The following IPO4 variants were observed in gnomAD, a reference collection of about 807,000 sequenced individuals.
IPO4 encodes the protein importin 4.
IPO4 carries 91 observed loss-of-function variants against 133.5 expected under a neutral mutation model. The observed-to-expected ratio is 0.68, with a 90% CI of 0.58 to 0.81. IPO4 has a LOEUF of 0.81. Ranked by LOEUF, IPO4 falls within the 30% of genes least tolerant of loss-of-function variation. The pLI, the probability that IPO4 is intolerant of heterozygous loss-of-function variation, is 0.00. For synonymous variants in IPO4, 607 were observed against 581.6 expected (o/e 1.04, Z -0.63); for missense variants, 1,279 against 1,386.2 (o/e 0.92, Z 1.23).
Position 24,183,589 on chromosome 14 carries a change from C to T in IPO4, c.2063+1G>A. On this transcript the variant is annotated splice_donor_variant, in intron 20 of 29. Transcript: ENST00000354464. LOFTEE classifies it high-confidence loss of function. ...AGTGCCAGGGAAGGGCGAATGCTCA[C>T]CTGGTGTTCACAGAGATCTCCCCCA... 1 of 1,614,180 alleles carries T rather than the reference C, an allele frequency of 6.2e-7. No individual in the cohort carries two copies. Among genetic ancestry groups the T allele is most frequent in the Non-Finnish European group, 8.5e-7 (1 of 1,180,032 alleles).
rs143030433 is a variant in IPO4 at position 24,181,548 on chromosome 14, G to C, written c.3010C>G (p.Leu1004Val). Residue 1004 changes from leucine (L) to valine (V), a missense_variant, in exon 28 of 30, where the codon CTC (leucine) becomes GTC (valine). Physicochemically the swap from Leu to Val is conservative, Grantham distance 32 (BLOSUM62 1). Transcript: ENST00000354464. ...DLEEWVTIGRLFSFLYQSSPD... is the reference protein window; with the variant it reads ...DLEEWVTIGRVFSFLYQSSPD... ...CTGCTCTGGTACAGGAAGCTGAAGA[G>C]GCGCCCAATGGTGACCCACTCCTCC... 23 of 1,591,474 alleles carry C rather than the reference G, an allele frequency of 1.4e-5. No individual in the cohort carries two copies. Among genetic ancestry groups the C allele is most frequent in the Non-Finnish European group, 1.9e-5 (22 of 1,168,756 alleles).
chr14:24,187,220 A>C, intron 6 of IPO4, 70 bp from the exon 7 acceptor site: 2 of 1,564,758 alleles, frequency 1.3e-6, no homozygotes, highest in Non-Finnish European at 8.8e-7. Context: ...GCTTCCTCAC[A>C]GCCTGAATTG....
At position 24,183,860 on chromosome 14, in the gene IPO4, G is replaced by A. The variant is rs184433827; in HGVS notation, c.1908C>T (p.Asp636=). ...YDGSSSFLLF[D]DESDGEEEEE... ...CCTCTTCTTCCCCATCACTCTCATC[G>A]TCAAACAGAAGGAAGGAGCTGCTCC... The change falls in exon 19 of 30, where the codon GAC becomes GAT. Residue 636 remains aspartate (D), a synonymous_variant. Coordinates refer to ENST00000354464, the MANE Select transcript of IPO4 (RefSeq NM_024658.4). The A allele has an allele frequency of 2.1e-4, 339 of 1,614,010 alleles. 2 individuals carry two copies. The African/African-American group carries it at 3.2e-3, about 15-fold the overall frequency.
rs140141733 is a variant in IPO4 at position 24,180,731 on chromosome 14, G to T, written c.3073C>A (p.Arg1025Ser). The change falls in exon 29 of 30, where the codon CGT (arginine) becomes AGT (serine). Residue 1025 changes from arginine (R) to serine (S), a missense_variant. Physicochemically the swap from Arg to Ser is moderately radical, Grantham distance 110. Transcript: ENST00000354464. Reference sequence around the variant, plus strand: ...TCAGCCAGAATGAGGCTGCAGATACGCAGAAGCTCGGGAGCCACATCTATA... The same window carrying T: ...TCAGCCAGAATGAGGCTGCAGATACTCAGAAGCTCGGGAGCCACATCTATA... ...QVIDVAPELL[R>S]ICSLILADNK... 111 of 1,614,058 alleles carry T rather than the reference G, an allele frequency of 6.9e-5. No individual in the cohort carries two copies. In the East Asian group the frequency reaches 2.4e-3, roughly 35 times the overall value.
Position 24,184,890 on chromosome 14 carries a change from G to A in IPO4, c.1499C>T (p.Ala500Val). 1 of 1,614,082 alleles carries A rather than the reference G, an allele frequency of 6.2e-7. No individual in the cohort carries two copies. The highest frequency in any genetic ancestry group is 8.5e-7 in the Non-Finnish European group (1 of 1,179,988). The change falls in exon 15 of 30, where the codon GCT (alanine) becomes GTT (valine). Residue 500 changes from alanine (A) to valine (V), a missense_variant. Ala to Val is a moderately conservative substitution (Grantham distance 64). Around this residue, in one of 3 missense-constraint regions of IPO4, gnomAD observed 695 missense variants for 704.1 expected, o/e 0.99. Coordinates refer to ENST00000354464, the MANE Select transcript of IPO4 (RefSeq NM_024658.4). ...NPSSPRAKEL[A>V]VSALGAIATA... ...ACCAATGGCTCCCAGGGCGCTCACA[G>A]CCAGCTCCTTGGCCCGGGGACTGCT...
rs994839344 is a variant in IPO4, at chr14:24,187,948, G to A, written c.279-152C>T. On this transcript the variant is annotated intron_variant, in intron 4 of 29. Transcript: ENST00000354464. ...GGGACACATGAGACAGCAGCTCAGA[G>A]GGAGCCCAACAGCACTGTGGGCATG... 3.4e-5 allele frequency: 32 copies of A among 942,132 alleles called. No individual in the cohort carries two copies. The African/African-American group carries it at 4.6e-4, about 14-fold the overall frequency. The allele number at this position is 942,132 out of a possible 1,614,324, so 58.4% of individuals were successfully genotyped here.
rs1296834105 is a variant in IPO4 at position 24,183,352 on chromosome 14, G to A, written c.2125C>T (p.Pro709Ser). Residue 709 changes from proline to serine, a missense_variant, in exon 22 of 30, where the codon CCT becomes TCT. Around this residue, in one of 3 missense-constraint regions of IPO4, gnomAD observed 575 missense variants for 653.4 expected, o/e 0.88. Coordinates refer to ENST00000354464, the MANE Select transcript of IPO4 (RefSeq NM_024658.4). ...GCTGCCTTCCGCACATTCAGGTGAG[G>A]GCACTGCAGGATGAGGAGGGGCGGG... ...FEEVFKLLEC[P>S]HLNVRKAAHE... 4 of 1,608,376 alleles carry A rather than the reference G, an allele frequency of 2.5e-6. No individual in the cohort carries two copies. In the African/African-American group the frequency reaches 5.3e-5, roughly 21 times the overall value.
At chr14:24,183,200 A>G (rs1566642246) in intron 22 of IPO4, 31 bp from the exon 23 acceptor site, 1 of 1,611,080 alleles carries the variant, frequency 6.2e-7, no homozygotes, top group Admixed American at 1.7e-5. Context: ...AGCACCAGTC[A>G]GGCCCTGCCC....
chr14:24,182,227 CACCGGG>C, intron 25 of IPO4, 45 bp downstream of exon 25: 1 of 1,613,812 alleles, frequency 6.2e-7, no homozygotes, highest in Non-Finnish European at 8.5e-7. Flanking sequence ...CTGTGGTGGG[CACCGGG>C]TGCACGAGGG....
At chr14:24,187,908 G>C in intron 4 of IPO4, 112 bp from the exon 5 acceptor site, 1 of 1,363,416 alleles carries the variant, frequency 7.3e-7, no homozygotes, top group African/African-American at 1.4e-5. Flanking sequence ...GTGGGCACAG[G>C]GTCTTTGCCA....
Position 24,185,851 on chromosome 14 carries a change from G to A in IPO4, c.1169+10C>T. The A allele has an allele frequency of 6.2e-7, 1 of 1,606,226 alleles. No homozygotes were observed. Among genetic ancestry groups the A allele is most frequent in the African/African-American group, 1.3e-5 (1 of 74,898 alleles). On this transcript the variant is annotated intron_variant, in intron 12 of 29. Transcript: ENST00000354464. ...GGGCAACCCTCACCCTGGGACAGGGGAATACATACCTCTGCCTGATGTGGT... is the reference window on the plus strand; with the variant it reads ...GGGCAACCCTCACCCTGGGACAGGGAAATACATACCTCTGCCTGATGTGGT...
At position 24,180,325 on chromosome 14, in the gene IPO4, G is replaced by T. The variant is rs1217154668; in HGVS notation, c.*117C>A. The stretch of plus-strand genomic sequence containing the variant: ...GCCCTGTAAGGCAGCAAGTGGGGCT[G>T]GCTCCAAATGGGTATGAGTCTCAGA... On this transcript the variant is annotated 3_prime_UTR_variant, in exon 30 of 30. Transcript: ENST00000354464. The T allele has an allele frequency of 3.3e-6, 5 of 1,501,866 alleles. No homozygotes were observed. The highest frequency in any genetic ancestry group is 4.5e-6 in the Non-Finnish European group (5 of 1,117,778). 93.0% of individuals were successfully genotyped at this position (1,501,866 alleles called of 1,614,324 possible).
In IPO4 at chr14:24,187,433, G is replaced by T; in HGVS notation, c.555C>A (p.Thr185=). 6.2e-7 allele frequency: 1 copy of T among 1,614,122 alleles called. No individual in the cohort carries two copies. Among genetic ancestry groups the T allele is most frequent in the Non-Finnish European group, 8.5e-7 (1 of 1,180,018 alleles). Residue 185 remains threonine, a synonymous_variant, in exon 6 of 30, where the codon ACC becomes ACA. Coordinates refer to ENST00000354464, the MANE Select transcript of IPO4 (RefSeq NM_024658.4). ...GLLFYSLRTL[T]TMAPYLSTED... The stretch of plus-strand genomic sequence containing the variant: ...CAGTGCTGAGGTAGGGAGCCATGGT[G>T]GTCAGAGTGCGCAGGGAGTAGAAGA...
At chr14:24,182,939 G>C in intron 23 of IPO4, 37 bp downstream of exon 23, 1 of 1,612,922 alleles carries the variant, frequency 6.2e-7, no homozygotes, top group Middle Eastern at 1.7e-4. Flanking sequence ...CCGAGGCCCA[G>C]CACCTCTCCT....
rs780704299 is a variant in IPO4 at position 24,188,802 on chromosome 14, C to A, written c.-15G>T. The A allele has an allele frequency of 1.3e-6, 2 of 1,487,548 alleles. No individual in the cohort carries two copies. The highest frequency in any genetic ancestry group is 2.4e-5 in the Admixed American group (1 of 41,026). The allele number at this position is 1,487,548 out of a possible 1,614,324, so 92.1% of individuals were successfully genotyped here. A position where few individuals can be genotyped will look rare whatever the true frequency, so the allele number is the denominator to read the frequency against. On this transcript the variant is annotated 5_prime_UTR_variant, in exon 1 of 30. Transcript: ENST00000354464. ...GCTGACTCCATGGCAGCAACTGAGC[C>A]GCCGCTACTGGGCCGAAAAGGGGAG...
Position 24,186,319 on chromosome 14 carries a change from T to A in IPO4, c.973A>T (p.Met325Leu), listed in dbSNP as rs1207752379. 1.2e-6 allele frequency: 2 copies of A among 1,610,986 alleles called. No homozygotes were observed. Among genetic ancestry groups the A allele is most frequent in the Non-Finnish European group, 8.5e-7 (1 of 1,178,136 alleles). Residue 325 changes from methionine to leucine, a missense_variant, in exon 10 of 30, where the codon ATG becomes TTG. By Grantham distance (15) the Met-to-Leu change is conservative. Transcript: ENST00000354464. ...GCGAAATGCTTGGGAGTCTCCCCCA[T>A]CAGCTCAATCTCCAACTCTTCCTCT... is the stretch of plus-strand genomic sequence containing the variant. Reference protein sequence around the residue: ...SEEEELEIELMGETPKHFAVQ... With the variant: ...SEEEELEIELLGETPKHFAVQ...
Position 24,181,841 on chromosome 14 carries a change from T to TC in IPO4, c.2809_2810insG (p.His937ArgfsTer19). On this transcript the variant is annotated frameshift_variant and splice_region_variant, in exon 27 of 30. Coordinates refer to ENST00000354464, the MANE Select transcript of IPO4 (RefSeq NM_024658.4). LOFTEE classifies it high-confidence loss of function. ...AAGGAGCCCCAGCAGCTTGGGGAAG[T>TC]GTCTGGTCCACAGTCAAGGAATGGC... 6.3e-7 allele frequency: 1 copy of TC among 1,596,582 alleles called. No individual in the cohort carries two copies. The highest frequency in any genetic ancestry group is 8.6e-7 in the Non-Finnish European group (1 of 1,169,408).
Position 24,186,715 on chromosome 14 carries a change from TTGAC to T in IPO4, c.829_832del (p.Val277ArgfsTer6). 6.2e-7 allele frequency: 1 copy of T among 1,614,010 alleles called. No homozygotes were observed. Among genetic ancestry groups the T allele is most frequent in the Non-Finnish European group, 8.5e-7 (1 of 1,179,914 alleles). On this transcript the variant is annotated frameshift_variant, in exon 9 of 30. Coordinates refer to ENST00000354464, the MANE Select transcript of IPO4 (RefSeq NM_024658.4). LOFTEE classifies it high-confidence loss of function. ...CAATGGGCACTCACTTACCTTGCTC[TTGAC>T]TTTGACCAAGAAAGTGAGGCAGCAG...
chr14:24,188,141 A>C (rs1566645828), intron 4 of IPO4, 75 bp downstream of exon 4: 1 of 1,480,786 alleles, frequency 6.8e-7, no homozygotes, highest in African/African-American at 1.4e-5. Flanking sequence ...CACAAGTCCC[A>C]GCCTGGAGCC....
Sources: allele counts gnomAD v4.1 joint callset, GRCh38; gene constraint gnomAD v4.1.1; regional missense constraint gnomAD v4.1.1; transcripts MANE v1.5; gene names NCBI Gene and HGNC (gene_info 2026-07-23, HGNC 2026-07-21).